The following HFM1 variants were observed in gnomAD, a reference collection of about 807,000 sequenced individuals.
The protein encoded by HFM1 is helicase for meiosis 1.
A neutral mutation model predicts 192.1 loss-of-function variants in HFM1; 169 were observed. That is an observed-to-expected ratio of 0.88 (90% CI 0.78 to 1.00). The LOEUF is 1.00. HFM1 is among the 50% of genes least tolerant of loss of function. HFM1 has a pLI of 0.00. For missense variants in HFM1, 1,661 were observed against 1,668.0 expected (o/e 1.00, Z 0.07); for synonymous variants, 525 against 537.8 (o/e 0.98, Z 0.33).
chr1:91,403,476 T>A (rs1278791601), intron 1 of HFM1, among the ~76,000 whole-genome samples: 7 of 152,242 alleles, frequency 4.6e-5, no homozygotes, highest in East Asian at 3.9e-4. Flanking sequence ...AATCTTTTTT[T>A]AAAAAAGAAA....
rs1656289311 is a variant in HFM1, at chr1:91,347,457, G to A, written c.2226C>T (p.Asn742=). The change falls in exon 19 of 39, where the codon AAC becomes AAT. Residue 742 remains asparagine, a synonymous_variant. Coordinates refer to ENST00000370425, the MANE Select transcript of HFM1 (RefSeq NM_001017975.6). ...PSHYGFASGL[N]KDGIEAKLQE... ...GTAATTTTGCTTCAATTCCATCTTTGTTCAATCCAGATGCAAAACCTGCAT... is the reference window on the plus strand; with the variant it reads ...GTAATTTTGCTTCAATTCCATCTTTATTCAATCCAGATGCAAAACCTGCAT... 1 of 1,587,010 alleles carries A rather than the reference G, an allele frequency of 6.3e-7. No individual in the cohort carries two copies.
chr1:91,262,733 T>C (rs1665286318), intron 36 of HFM1, 141 bp from the exon 37 acceptor site: 1 of 573,738 alleles, frequency 1.7e-6, no homozygotes, highest in East Asian at 2.9e-5. Context: ...CTAATATTCA[T>C]GGAGAGCTTG....
rs772907560 is a variant in HFM1 at position 91,352,642 on chromosome 1, C to G, written c.1841G>C (p.Ser614Thr). The G allele has an allele frequency of 1.2e-6, 2 of 1,602,200 alleles. No homozygotes were observed. Among genetic ancestry groups the G allele is most frequent in the South Asian group, 2.3e-5 (2 of 88,328 alleles). ...VGDLPVLFTTSTLAMGVNLPA... is the reference protein window; with the variant it reads ...VGDLPVLFTTTTLAMGVNLPA... ...CAAATTTACTCCCATAGCTAAAGTACTGGTAGTAACTGCATCAGATTAAGA... is the reference window on the plus strand; with the variant it reads ...CAAATTTACTCCCATAGCTAAAGTAGTGGTAGTAACTGCATCAGATTAAGA... The change falls in exon 16 of 39, where the codon AGT becomes ACT. Residue 614 changes from serine (S) to threonine (T), a missense_variant. Ser to Thr is a moderately conservative substitution (Grantham distance 58, BLOSUM62 1). Coordinates refer to ENST00000370425, the MANE Select transcript of HFM1 (RefSeq NM_001017975.6).
Position 91,386,603 on chromosome 1 carries a change from A to G in HFM1, c.495-769T>C, listed in dbSNP as rs138195203. ...CATTTTGGGATAATTTTATTATACA[A>G]CAACAGATAACTAATGTTCCATTTA... On this transcript the variant is annotated intron_variant, in intron 4 of 38. Transcript: ENST00000370425. Among the ~76,000 whole-genome samples, 17 of 152,380 alleles carry G rather than the reference A, an allele frequency of 1.1e-4. No homozygotes were observed. The East Asian group carries it at 3.3e-3, about 29-fold the overall frequency.
chr1:91,335,424 T>G (rs930643412), intron 20 of HFM1, among the ~76,000 whole-genome samples: 3 of 152,164 alleles, frequency 2.0e-5, no homozygotes, highest in African/African-American at 4.8e-5. Context: ...TTAATACTTG[T>G]TGGCTTATTA....
At chr1:91,381,347 T>C (rs1189087529) in intron 6 of HFM1, among the ~76,000 whole-genome samples, 1 of 152,196 alleles carries the variant, frequency 6.6e-6, no homozygotes, top group African/African-American at 2.4e-5. Flanking sequence ...GGCCACTTGA[T>C]TTTTATCTCT....
At chr1:91,312,385 T>C (rs1371128672) in intron 30 of HFM1, among the ~76,000 whole-genome samples, 7 of 152,158 alleles carry the variant, frequency 4.6e-5, no homozygotes, top group Non-Finnish European at 2.9e-5. Context: ...CCCAAGACCA[T>C]GGGAACTCAC....
Position 91,385,237 on chromosome 1 carries a change from G to GAA in HFM1, c.755-5_755-4dup. The GAA allele has an allele frequency of 6.8e-6, 10 of 1,478,646 alleles. No individual in the cohort carries two copies. Among genetic ancestry groups the GAA allele is most frequent in the Non-Finnish European group, 9.3e-6 (10 of 1,078,312 alleles). 91.6% of individuals were successfully genotyped at this position (1,478,646 alleles called of 1,614,324 possible). On this transcript the variant is annotated splice_polypyrimidine_tract_variant and splice_region_variant and intron_variant, in intron 5 of 38. Transcript: ENST00000370425. ...ACCTAAACCATTTTCTGTTACCTCT[G>GAA]AAAAAAAAATGCTACATATTTATAT...
intron 4 of HFM1, among the ~76,000 whole-genome samples, chr1:91,389,237 C>A (rs1470890846): frequency 6.7e-6 from 1 of 149,472 alleles, no homozygotes; most frequent in African/African-American, 2.5e-5. Flanking sequence ...TCTCGGCTCA[C>A]TGCAAGCTCC....
intron 13 of HFM1, among the ~76,000 whole-genome samples, chr1:91,359,934 C>T (rs933381445): frequency 6.6e-6 from 1 of 152,166 alleles, no homozygotes; most frequent in Admixed American, 6.5e-5. Flanking sequence ...AGCAGAAAAC[C>T]TACAAGCCAG....
intron 13 of HFM1, among the ~76,000 whole-genome samples, chr1:91,361,901 C>T (rs1658567922): frequency 6.6e-6 from 1 of 152,110 alleles, no homozygotes; most frequent in Non-Finnish European, 1.5e-5. Context: ...GTTCAATGTA[C>T]ACAAACCAAT....
At chr1:91,288,703 T>C (rs898789762) in intron 30 of HFM1, among the ~76,000 whole-genome samples, 4 of 152,196 alleles carry the variant, frequency 2.6e-5, no homozygotes, top group Non-Finnish European at 4.4e-5. Context: ...GGTAAGGTTA[T>C]AGATTAACAG....
At chr1:91,397,074 C>A (rs1381328809) in intron 2 of HFM1, among the ~76,000 whole-genome samples, 1 of 152,146 alleles carries the variant, frequency 6.6e-6, no homozygotes, top group Admixed American at 6.5e-5. Context: ...CAGTTTCATC[C>A]CGAAACCATC....
chr1:91,334,715 G>C (rs1297829698), intron 20 of HFM1, among the ~76,000 whole-genome samples: 1 of 151,830 alleles, frequency 6.6e-6, no homozygotes, highest in Non-Finnish European at 1.5e-5. Flanking sequence ...TGGATCATGA[G>C]GTCAGGAGTT....
intron 20 of HFM1, among the ~76,000 whole-genome samples, chr1:91,339,330 C>T (rs909516923): frequency 3.9e-5 from 6 of 151,934 alleles, no homozygotes; most frequent in African/African-American, 1.4e-4. Flanking sequence ...AATTCAGAAT[C>T]TGGATGGCAA....
chr1:91,309,140 C>T (rs1398670266), intron 30 of HFM1, among the ~76,000 whole-genome samples: 1 of 152,200 alleles, frequency 6.6e-6, no homozygotes, highest in African/African-American at 2.4e-5. Context: ...TGTCACTACT[C>T]ACTGCAGTTA....
intron 2 of HFM1, among the ~76,000 whole-genome samples, chr1:91,397,452 AT>A (rs988480609): frequency 1.6e-4 from 24 of 152,168 alleles, no homozygotes; most frequent in Non-Finnish European, 1.0e-4. Flanking sequence ...AGCATCATAT[AT>A]TTTGTCTATA....
At chr1:91,264,361 A>ATTTTTTTTTTTTTTTTTTTTTTTTCTTTT (rs1665488319) in intron 36 of HFM1, among the ~76,000 whole-genome samples, 1 of 57,058 alleles carries the variant, frequency 1.8e-5, no homozygotes, top group African/African-American at 7.9e-5. Context: ...CAAATTTAGT[A>ATTTTTTTTTTTTTTTTTTTTTTTTCTTTT]TTTTTTTTTT....
At chr1:91,372,336 C>T (rs778999663) in intron 13 of HFM1, among the ~76,000 whole-genome samples, 52 of 152,128 alleles carry the variant, frequency 3.4e-4, no homozygotes, top group Non-Finnish European at 6.0e-4. Context: ...TTGGAACCAA[C>T]CCAAATGTCC....
Sources: allele counts gnomAD v4.1 joint callset (sites outside exome capture counted in the v4.1 genomes callset), GRCh38; gene constraint gnomAD v4.1.1; transcripts MANE v1.5; gene names NCBI Gene and HGNC (gene_info 2026-07-23, HGNC 2026-07-21).